Variants in TSPAN5 observed in about 807,000 individuals in gnomAD.
The protein encoded by TSPAN5 is tetraspanin 5.
In TSPAN5, 10 loss-of-function variants were observed where a neutral mutation model predicts 37.1. The observed-to-expected ratio is 0.27, with a 90% confidence interval of 0.17 to 0.46. The LOEUF is 0.46. TSPAN5 is among the 20% of genes least tolerant of loss of function. The pLI, the probability that TSPAN5 is intolerant of heterozygous loss-of-function variation, is 1.00. For missense variants in TSPAN5, 195 were observed against 326.6 expected, an observed-to-expected ratio of 0.60 and a Z score of 3.11; for synonymous variants, 110 against 118.9, an observed-to-expected ratio of 0.93 and a Z score of 0.48.
At chr4:98,491,218 T>C (rs1753079130) in intron 2 of TSPAN5, among the ~76,000 whole-genome samples, 1 of 152,202 alleles carries the variant, frequency 6.6e-6, no homozygotes, top group South Asian at 2.1e-4. Flanking sequence ...CTCGGCATTT[T>C]TCAAGAATAT....
At chr4:98,618,339 T>C (rs1298145098) in intron 1 of TSPAN5, among the ~76,000 whole-genome samples, 1 of 151,920 alleles carries the variant, frequency 6.6e-6, no homozygotes, top group South Asian at 2.1e-4. Flanking sequence ...ACCTCAGACC[T>C]AAGGCACTGT....
chr4:98,488,956 C>A (rs1057330741), intron 2 of TSPAN5, among the ~76,000 whole-genome samples: 7 of 152,176 alleles, frequency 4.6e-5, no homozygotes, highest in African/African-American at 1.7e-4. Flanking sequence ...AGGAAACCAG[C>A]CTCTCCTCTG....
intron 1 of TSPAN5, among the ~76,000 whole-genome samples, chr4:98,610,416 T>C (rs1000066983): frequency 6.6e-6 from 1 of 152,204 alleles, no homozygotes; most frequent in African/African-American, 2.4e-5. Flanking sequence ...TAGAGCTCCA[T>C]TCAGTTGCTA....
intron 1 of TSPAN5, among the ~76,000 whole-genome samples, chr4:98,591,001 C>A (rs1755619585): frequency 6.6e-6 from 1 of 152,030 alleles, no homozygotes; most frequent in South Asian, 2.1e-4. Flanking sequence ...ACTTCCCTAA[C>A]TCTTGGTTCC....
At chr4:98,634,979 C>T (rs1461793919) in intron 1 of TSPAN5, among the ~76,000 whole-genome samples, 4 of 152,286 alleles carry the variant, frequency 2.6e-5, no homozygotes, top group African/African-American at 9.6e-5. Flanking sequence ...TGACAGACCA[C>T]AGCCTTTCAG....
rs545110158 is a variant in TSPAN5 at position 98,611,857 on chromosome 4, C to T, written c.81+46289G>A. Among the ~76,000 whole-genome samples the T allele has an allele frequency of 3.3e-5, 5 of 152,340 alleles. 1 individual carries two copies. Among genetic ancestry groups the T allele is most frequent in the African/African-American group, 1.2e-4 (5 of 41,582 alleles). Reference sequence around the variant, plus strand: ...AGAACACCCTCTTCCTCCAGACTGACCCAGCTCCATCCCCTGGCCTGGGCC... The same window carrying T: ...AGAACACCCTCTTCCTCCAGACTGATCCAGCTCCATCCCCTGGCCTGGGCC... On this transcript the variant is annotated intron_variant, in intron 1 of 7. Transcript: ENST00000305798.
At position 98,471,637 on chromosome 4, in the gene TSPAN5, C is replaced by T. The variant is rs1752586100; in HGVS notation, c.*885G>A. The T allele has an allele frequency of 6.6e-6, 1 of 152,146 alleles. No homozygotes were observed. The highest frequency in any genetic ancestry group is 1.5e-5 in the Non-Finnish European group (1 of 68,018). 9.4% of individuals were successfully genotyped at this position (152,146 alleles called of 1,614,324 possible). A position where few individuals can be genotyped will look rare whatever the true frequency, so the allele number is the denominator to read the frequency against. ...AAGTGGAACTGTATCATAGCTTTCACCTTTGGAAGACGAAAAACAACAAAC... is the reference window on the plus strand; with the variant it reads ...AAGTGGAACTGTATCATAGCTTTCATCTTTGGAAGACGAAAAACAACAAAC... On this transcript the variant is annotated 3_prime_UTR_variant, in exon 8 of 8. Coordinates refer to ENST00000305798, the MANE Select transcript of TSPAN5 (RefSeq NM_005723.4).
chr4:98,637,438 A>T (rs1426600447), intron 1 of TSPAN5, among the ~76,000 whole-genome samples: 2 of 152,186 alleles, frequency 1.3e-5, no homozygotes, highest in African/African-American at 4.8e-5. Context: ...TGATGACCAC[A>T]GGCAGTTAAT....
chr4:98,548,092 G>A (rs941920677), intron 1 of TSPAN5, among the ~76,000 whole-genome samples: 5 of 151,788 alleles, frequency 3.3e-5, no homozygotes, highest in African/African-American at 1.2e-4. Context: ...GATTTTAGGG[G>A]TGCAGAGATG....
At chr4:98,561,187 C>T (rs1193463494) in intron 1 of TSPAN5, among the ~76,000 whole-genome samples, 1 of 152,212 alleles carries the variant, frequency 6.6e-6, no homozygotes, top group Non-Finnish European at 1.5e-5. Context: ...TCTTCTTTAC[C>T]CTTTCACATA....
At chr4:98,650,334 G>C (rs767104334) in intron 1 of TSPAN5, among the ~76,000 whole-genome samples, 1 of 152,142 alleles carries the variant, frequency 6.6e-6, no homozygotes, top group African/African-American at 2.4e-5. Flanking sequence ...CCAGAGCAGG[G>C]TATCTCAGGG....
chr4:98,580,564 A>T (rs574179907), intron 1 of TSPAN5, among the ~76,000 whole-genome samples: 1 of 152,322 alleles, frequency 6.6e-6, no homozygotes, highest in African/African-American at 2.4e-5. Flanking sequence ...TCAGCAAGAG[A>T]AGAGCAGACA....
At chr4:98,536,156 T>C (rs940715639) in intron 1 of TSPAN5, among the ~76,000 whole-genome samples, 2 of 152,166 alleles carry the variant, frequency 1.3e-5, no homozygotes, top group Non-Finnish European at 1.5e-5. Context: ...TTTCTCCCCA[T>C]CTTTGTGGAT....
At chr4:98,612,809 A>T (rs1413565535) in intron 1 of TSPAN5, among the ~76,000 whole-genome samples, 1 of 152,108 alleles carries the variant, frequency 6.6e-6, no homozygotes, top group African/African-American at 2.4e-5. Context: ...TCAGCCTGAA[A>T]TGCTCCTTCC....
At chr4:98,577,790 C>A (rs771530099) in intron 1 of TSPAN5, among the ~76,000 whole-genome samples, 39 of 152,128 alleles carry the variant, frequency 2.6e-4, no homozygotes, top group Non-Finnish European at 5.4e-4. Context: ...AGTGACTTTA[C>A]CTCTCTAGAA....
chr4:98,540,473 G>A (rs1177410713), intron 1 of TSPAN5, among the ~76,000 whole-genome samples: 5 of 152,164 alleles, frequency 3.3e-5, no homozygotes, highest in Admixed American at 3.3e-4. Flanking sequence ...GAGTGGCTGG[G>A]ATTACAGGCA....
intron 2 of TSPAN5, among the ~76,000 whole-genome samples, chr4:98,499,013 G>A (rs956488957): frequency 2.6e-5 from 4 of 152,200 alleles, no homozygotes; most frequent in Admixed American, 1.3e-4. Flanking sequence ...GTGAAGAAGT[G>A]ACCTCAGAGG....
In TSPAN5 at chr4:98,501,424, T is replaced by TG. The variant is rs1753345767; in HGVS notation, c.132+6253dup. On this transcript the variant is annotated intron_variant, in intron 2 of 7. Transcript: ENST00000305798. Reference sequence around the variant, plus strand: ...AGCAATACCTCTTGAATACTTGCTATGTGCCATCTAACATTCTAGGTACTA... The same window carrying TG: ...AGCAATACCTCTTGAATACTTGCTATGGTGCCATCTAACATTCTAGGTACTA... Among the ~76,000 whole-genome samples the TG allele has an allele frequency of 3.3e-5, 5 of 152,364 alleles. No individual in the cohort carries two copies. In the South Asian group the frequency reaches 1.0e-3, roughly 32 times the overall value.
intron 1 of TSPAN5, among the ~76,000 whole-genome samples, chr4:98,589,476 G>C (rs1049736776): frequency 3.3e-5 from 5 of 152,144 alleles, no homozygotes; most frequent in Non-Finnish European, 5.9e-5. Flanking sequence ...GAAAGGGAAG[G>C]AGGGCAATTA....
Sources: allele counts gnomAD v4.1 joint callset (sites outside exome capture counted in the v4.1 genomes callset), GRCh38; gene constraint gnomAD v4.1.1; transcripts MANE v1.5; gene names NCBI Gene and HGNC (gene_info 2026-07-23, HGNC 2026-07-21).